IGFN1: variants seen among roughly 807,000 people sequenced by gnomAD.
IGFN1 encodes the protein immunoglobulin like and fibronectin type III domain containing 1.
In IGFN1, 253 loss-of-function variants were observed where a neutral mutation model predicts 289.5. That is an observed-to-expected ratio of 0.87 (90% confidence interval 0.79 to 0.97). IGFN1 has a LOEUF of 0.97. Ranked by LOEUF, IGFN1 falls within the 50% of genes least tolerant of loss-of-function variation. The pLI is 0.00. For missense variants in IGFN1, 4,470 were observed against 4,686.1 expected (o/e 0.95, Z 1.35); for synonymous variants, 1,706 against 1,788.5 (o/e 0.95, Z 1.16).
intron 4 of IGFN1, 112 bp from the exon 5 acceptor site, chr1:201,197,106 G>A (rs1251346305): frequency 3.2e-6 from 2 of 625,160 alleles, no homozygotes; most frequent in Non-Finnish European, 5.8e-6. Flanking sequence ...TGAGCTCCAT[G>A]AGGACAAGGA....
chr1:201,194,129 T>A (rs1666776746), intron 2 of IGFN1, 25 bp from the exon 3 acceptor site: 2 of 1,550,388 alleles, frequency 1.3e-6, no homozygotes, highest in Middle Eastern at 1.7e-4. Flanking sequence ...GAAGGCCCCA[T>A]CTCCTTCCCT....
Position 201,206,595 on chromosome 1 carries a change from G to T in IGFN1, c.1702G>T (p.Ala568Ser), listed in dbSNP as rs1027461654. 6.5e-7 allele frequency: 1 copy of T among 1,547,022 alleles called. No homozygotes were observed. The highest frequency in any genetic ancestry group is 1.4e-5 in the African/African-American group (1 of 73,022). The change falls in exon 12 of 24, where the codon GCT becomes TCT. Residue 568 changes from alanine to serine, a missense_variant. Transcript: ENST00000335211. ...GGAGGCTGGGTCCAGTCGGCTTCAG[G>T]CTGGAGGACTGGGGAGCAGCAGGGA... ...GWEAGSSRLQ[A>S]GGLGSSREGK...
Position 201,197,320 on chromosome 1 carries a change from G to C in IGFN1, c.367+3G>C, listed in dbSNP as rs946875040. ...AGTGAGACTCACTGTCATCGAAGGTGGGCTTTTCCCTGAGTTTGTCTCATC... is the reference window on the plus strand; with the variant it reads ...AGTGAGACTCACTGTCATCGAAGGTCGGCTTTTCCCTGAGTTTGTCTCATC... On this transcript the variant is annotated splice_donor_region_variant and intron_variant, in intron 5 of 23. Coordinates refer to ENST00000335211, the MANE Select transcript of IGFN1 (RefSeq NM_001164586.2). 8.4e-6 allele frequency: 13 copies of C among 1,541,706 alleles called. No individual in the cohort carries two copies. The highest frequency in any genetic ancestry group is 1.1e-5 in the Non-Finnish European group (13 of 1,138,428).
At chr1:201,214,632 G>A (rs997406367) in intron 13 of IGFN1, among the ~76,000 whole-genome samples, 4 of 151,932 alleles carry the variant, frequency 2.6e-5, no homozygotes, top group Non-Finnish European at 5.9e-5. Context: ...GGGGGCCCTC[G>A]TCTCCCTGCA....
chr1:201,193,342 G>C (rs750068911), intron 2 of IGFN1, 42 bp downstream of exon 2: 1 of 1,476,102 alleles, frequency 6.8e-7, no homozygotes, highest in South Asian at 1.2e-5. Flanking sequence ...CCTCCCTGGC[G>C]ATCCTTACCA....
chr1:201,212,581 G>C lies in IGFN1; in HGVS notation c.7688G>C (p.Arg2563Thr). 1 of 1,549,442 alleles carries C rather than the reference G, an allele frequency of 6.5e-7. No individual in the cohort carries two copies. Among genetic ancestry groups the C allele is most frequent in the Non-Finnish European group, 8.7e-7 (1 of 1,146,296 alleles). Reference sequence around the variant, plus strand: ...AAAGCAGGCCCAGGAATGACAGACAGGGGTAGAGTTGCTGGCCAGGGGGGG... The same window carrying C: ...AAAGCAGGCCCAGGAATGACAGACACGGGTAGAGTTGCTGGCCAGGGGGGG... Reference protein sequence around the residue: ...IWKAGPGMTDRGRVAGQGGLA... With the variant: ...IWKAGPGMTDTGRVAGQGGLA... Residue 2563 changes from arginine to threonine, a missense_variant, in exon 12 of 24, where the codon AGG becomes ACG. By Grantham distance (71) the Arg-to-Thr change is moderately conservative (BLOSUM62 -1). Around this residue, in one of 8 missense-constraint regions of IGFN1, gnomAD observed 2,218 missense variants for 2,114.1 expected, o/e 1.05. Transcript: ENST00000335211.
At chr1:201,218,879 G>C (rs1018093657) in intron 18 of IGFN1, among the ~76,000 whole-genome samples, 7 of 152,054 alleles carry the variant, frequency 4.6e-5, no homozygotes, top group African/African-American at 1.4e-4. Context: ...AGTGGGATTA[G>C]AGGATTCCTT....
At position 201,207,319 on chromosome 1, in the gene IGFN1, AC is replaced by A; in HGVS notation, c.2430del (p.Arg811GlufsTer22). On this transcript the variant is annotated frameshift_variant, in exon 12 of 24. Coordinates refer to ENST00000335211, the MANE Select transcript of IGFN1 (RefSeq NM_001164586.2). LOFTEE classifies it high-confidence loss of function. ...TGGGCCTCGGGTGAGGTAGAGTATG[AC>A]CCCAGAAGCTTCCAGTCTTCCCAGG... is the stretch of plus-strand genomic sequence containing the variant. ...TAWASGEVEY[D>X]PRSFQSSQGW... The A allele has an allele frequency of 6.5e-7, 1 of 1,536,720 alleles. No individual in the cohort carries two copies. The highest frequency in any genetic ancestry group is 8.7e-7 in the Non-Finnish European group (1 of 1,146,872).
chr1:201,218,412 T>C (rs1426674453), intron 17 of IGFN1, 118 bp from the exon 18 acceptor site: 11 of 909,494 alleles, frequency 1.2e-5, no homozygotes, highest in Non-Finnish European at 1.3e-5. Context: ...TGGAGGGATG[T>C]AGGGAGGGAT....
At chr1:201,203,103 A>G (rs1469751895) in intron 9 of IGFN1, among the ~76,000 whole-genome samples, 1 of 151,952 alleles carries the variant, frequency 6.6e-6, no homozygotes, top group South Asian at 2.1e-4. Flanking sequence ...TATGACATCT[A>G]TTATTTATAT....
At chr1:201,205,490 A>T (rs2102331632) in intron 11 of IGFN1, 136 bp downstream of exon 11, 1 of 1,007,650 alleles carries the variant, frequency 9.9e-7, no homozygotes, top group East Asian at 2.6e-5. Context: ...TTCTCCACCC[A>T]CTGCAGTGCA....
chr1:201,200,555 G>C, intron 8 of IGFN1, 144 bp downstream of exon 8: 1 of 687,122 alleles, frequency 1.5e-6, no homozygotes, highest in Non-Finnish European at 2.4e-6. Flanking sequence ...AGTCCCCAGT[G>C]GGGTATCTGG....
intron 18 of IGFN1, among the ~76,000 whole-genome samples, chr1:201,220,437 C>T (rs1653658512): frequency 6.6e-6 from 1 of 152,264 alleles, no homozygotes; most frequent in Non-Finnish European, 1.5e-5. Context: ...GCCTCGGCCT[C>T]CTAAAGTGCT....
In IGFN1 at chr1:201,208,042, C is replaced by G. The variant is rs1422380111; in HGVS notation, c.3149C>G (p.Pro1050Arg). ...GGCTCAGGTGGTCCTGATGGAGCAC[C>G]CATGAATGACACCAGGAATTGGGCC... ...KNGSGGPDGA[P>R]MNDTRNWASA... is the part of the protein sequence containing the mutation. Residue 1050 changes from proline (P) to arginine (R), a missense_variant, in exon 12 of 24, where the codon CCC (proline) becomes CGC (arginine). Transcript: ENST00000335211. The G allele has an allele frequency of 1.3e-6, 2 of 1,536,804 alleles. No individual in the cohort carries two copies. The highest frequency in any genetic ancestry group is 1.7e-6 in the Non-Finnish European group (2 of 1,146,868).
At chr1:201,227,871 T>C (rs998630033) in intron 23 of IGFN1, among the ~76,000 whole-genome samples, 1 of 152,212 alleles carries the variant, frequency 6.6e-6, no homozygotes, top group African/African-American at 2.4e-5. Context: ...CGTATTGCTG[T>C]TTCTTAAGTA....
chr1:201,209,081 A>C lies in IGFN1; in HGVS notation c.4188A>C (p.Leu1396Phe). Residue 1396 changes from leucine (L) to phenylalanine (F), a missense_variant, in exon 12 of 24, where the codon TTA becomes TTC. By Grantham distance (22) the Leu-to-Phe change is conservative. This residue lies in a region of IGFN1 where 2,011 missense variants were observed against 1,953.4 expected (regional missense o/e 1.03). Transcript: ENST00000335211. ...EGMGAGYRAG[L>F]RGPGEMGSLD... is the part of the protein sequence containing the mutation. ...TGGGTGCAGGTTACAGGGCTGGTTT[A>C]AGGGGTCCTGGGGAGATGGGGTCAC... The C allele has an allele frequency of 6.5e-7, 1 of 1,535,092 alleles. No individual in the cohort carries two copies. The highest frequency in any genetic ancestry group is 8.7e-7 in the Non-Finnish European group (1 of 1,146,310).
Position 201,216,527 on chromosome 1 carries a change from G to A in IGFN1, c.9369G>A (p.Arg3123=). Residue 3123 remains arginine (R), a synonymous_variant, in exon 16 of 24, where the codon CGG becomes CGA. Coordinates refer to ENST00000335211, the MANE Select transcript of IGFN1 (RefSeq NM_001164586.2). ...GGGCTGGCGTCTGCCTCCGCTGGCG[G>A]CCCCCAAGGGACAATGGGGGCCGGA... ...CHRAGVCLRW[R]PPRDNGGRTV... The A allele has an allele frequency of 5.0e-6, 8 of 1,611,070 alleles. No homozygotes were observed. Among genetic ancestry groups the A allele is most frequent in the Non-Finnish European group, 6.8e-6 (8 of 1,178,258 alleles).
intron 8 of IGFN1, among the ~76,000 whole-genome samples, chr1:201,201,001 T>A (rs999224307): frequency 6.6e-6 from 1 of 152,088 alleles, no homozygotes; most frequent in South Asian, 2.1e-4. Flanking sequence ...CCAGCTAACT[T>A]TTTGTATTTT....
intron 10 of IGFN1, among the ~76,000 whole-genome samples, chr1:201,204,818 C>T (rs920801703): frequency 3.9e-5 from 6 of 152,146 alleles, no homozygotes; most frequent in Non-Finnish European, 1.5e-5. Flanking sequence ...TTCATGCATC[C>T]ACCTTGTCCC....
Sources: allele counts gnomAD v4.1 joint callset (sites outside exome capture counted in the v4.1 genomes callset), GRCh38; gene constraint gnomAD v4.1.1; regional missense constraint gnomAD v4.1.1; transcripts MANE v1.5; gene names NCBI Gene and HGNC (gene_info 2026-07-23, HGNC 2026-07-21).